The following RNF19B variants were observed in gnomAD, a reference collection of about 807,000 sequenced individuals.
The protein encoded by RNF19B is ring finger protein 19B.
Under a neutral mutation model 65.5 loss-of-function variants are expected in RNF19B, and 23 were observed. The ratio of observed to expected loss-of-function variants is 0.35; its 90% CI spans 0.25 to 0.50. The LOEUF is 0.50. Ranked by LOEUF, RNF19B falls within the 20% of genes least tolerant of loss-of-function variation. The pLI, the probability that RNF19B is intolerant of heterozygous loss-of-function variation, is 0.98. For synonymous variants in RNF19B, 372 were observed against 379.6 expected (o/e 0.98, Z 0.23); for missense variants, 794 against 980.0 (o/e 0.81, Z 2.53).
chr1:32,956,982 G>C (rs925981466), intron 1 of RNF19B, among the ~76,000 whole-genome samples: 1 of 152,048 alleles, frequency 6.6e-6, no homozygotes, highest in Non-Finnish European at 1.5e-5. Context: ...CTCTAGGCTA[G>C]ACAACTCCAA....
At chr1:32,961,445 T>C (rs996349711) in intron 1 of RNF19B, among the ~76,000 whole-genome samples, 6 of 152,234 alleles carry the variant, frequency 3.9e-5, no homozygotes, top group Non-Finnish European at 8.8e-5. Flanking sequence ...ACTTACTAGT[T>C]ATATGACCCT....
intron 1 of RNF19B, among the ~76,000 whole-genome samples, chr1:32,957,291 C>A (rs184419577): frequency 1.3e-5 from 2 of 152,310 alleles, no homozygotes; most frequent in East Asian, 3.9e-4. Flanking sequence ...AGGTGCACAC[C>A]ACCATGCCTG....
At chr1:32,942,645 A>C (rs1055729303) in intron 6 of RNF19B, among the ~76,000 whole-genome samples, 186 bp from the exon 7 acceptor site, 2 of 152,370 alleles carry the variant, frequency 1.3e-5, no homozygotes, top group African/African-American at 4.8e-5. Flanking sequence ...CTAGGCATTA[A>C]TAGCCTCAAT....
intron 7 of RNF19B, among the ~76,000 whole-genome samples, chr1:32,942,027 G>T (rs1642247027): frequency 1.3e-5 from 2 of 152,200 alleles, no homozygotes; most frequent in South Asian, 2.1e-4. Context: ...AACCCAGGAG[G>T]CGGAGCTTGC....
chr1:32,964,579 T>G lies in RNF19B; in HGVS notation c.107A>C (p.His36Pro), dbSNP rs1310707616. 1 of 1,434,446 alleles carries G rather than the reference T, an allele frequency of 7.0e-7. No homozygotes were observed. The highest frequency in any genetic ancestry group is 9.1e-7 in the Non-Finnish European group (1 of 1,095,444). 88.9% of individuals were successfully genotyped at this position (1,434,446 alleles called of 1,614,324 possible). ...GCGGGCCGAGGCAGAGAAGACGCTG[T>G]GCAAGGTGAGGCGCCGGCGCCGGCC... ...SGGRRRRLTL[H>P]SVFSASARGR... is the part of the protein sequence containing the mutation. The change falls in exon 1 of 9, where the codon CAC becomes CCC. Residue 36 changes from histidine to proline, a missense_variant. Transcript: ENST00000235150. This position sits in a 1 kb window ranked among gnomAD's most constrained non-coding sequence, Gnocchi z 6.5.
intron 1 of RNF19B, among the ~76,000 whole-genome samples, chr1:32,961,971 T>G (rs1383154704): frequency 1.3e-5 from 2 of 151,778 alleles, no homozygotes; most frequent in African/African-American, 4.8e-5. Flanking sequence ...CTATGCAGTG[T>G]TTTGTTTTTT....
At chr1:32,936,041 G>A (rs141037683), downstream of RNF19B, among the ~76,000 whole-genome samples, 2 of 152,276 alleles carry the variant, frequency 1.3e-5, no homozygotes, top group East Asian at 3.9e-4. Flanking sequence ...GAGCCACCAT[G>A]CCTGACCACT....
At chr1:32,934,813 T>C (rs1009259949), downstream of RNF19B, among the ~76,000 whole-genome samples, 2 of 152,172 alleles carry the variant, frequency 1.3e-5, no homozygotes, top group African/African-American at 4.8e-5. Flanking sequence ...CTATACTGTA[T>C]ATAAGCTTTC....
chr1:32,932,184 T>A (rs1016948655), downstream of RNF19B, among the ~76,000 whole-genome samples: 5 of 152,200 alleles, frequency 3.3e-5, no homozygotes, highest in African/African-American at 4.8e-5. Flanking sequence ...GACCTGGAAT[T>A]AGCCTTCCAT....
chr1:32,946,132 C>T (rs1264101762), intron 4 of RNF19B, among the ~76,000 whole-genome samples: 1 of 152,184 alleles, frequency 6.6e-6, no homozygotes. Context: ...TCCCAAAGTG[C>T]TAGGCCACGT....
chr1:32,934,858 A>C (rs1269546111), downstream of RNF19B, among the ~76,000 whole-genome samples: 2 of 152,082 alleles, frequency 1.3e-5, no homozygotes, highest in African/African-American at 2.4e-5. Context: ...TGTCAGACGG[A>C]GTCTCACTCT....
intron 7 of RNF19B, among the ~76,000 whole-genome samples, 176 bp from the exon 8 acceptor site, chr1:32,938,704 T>C (rs550835302): frequency 3.3e-4 from 51 of 152,316 alleles, no homozygotes; most frequent in Middle Eastern, 6.8e-3. Context: ...TAAATATCTA[T>C]TGAAATCGTC....
chr1:32,963,438 G>A (rs1473851517), intron 1 of RNF19B, among the ~76,000 whole-genome samples: 1 of 152,122 alleles, frequency 6.6e-6, no homozygotes, highest in East Asian at 1.9e-4. Flanking sequence ...CACCTTGGCC[G>A]GGAGCGGTGG....
At chr1:32,961,015 C>CA (rs5773391) in intron 1 of RNF19B, among the ~76,000 whole-genome samples, 25 of 150,620 alleles carry the variant, frequency 1.7e-4, no homozygotes, top group Middle Eastern at 3.4e-3. Context: ...GACGCTGTCT[C>CA]AAAAAAAAAG....
At chr1:32,933,154 C>A (rs1642047707), downstream of RNF19B, among the ~76,000 whole-genome samples, 1 of 152,278 alleles carries the variant, frequency 6.6e-6, no homozygotes, top group South Asian at 2.1e-4. Flanking sequence ...GTATTTTAGT[C>A]ATTGCTACAT....
intron 1 of RNF19B, among the ~76,000 whole-genome samples, chr1:32,953,868 A>AT (rs1642568663): frequency 6.6e-6 from 1 of 151,384 alleles, no homozygotes; most frequent in East Asian, 1.9e-4. Flanking sequence ...TGGCAGAAGT[A>AT]AATGTTTATT....
At chr1:32,938,678 C>A in intron 7 of RNF19B, 150 bp from the exon 8 acceptor site, 1 of 754,736 alleles carries the variant, frequency 1.3e-6, no homozygotes, top group East Asian at 2.6e-5. Flanking sequence ...AATAGATGCC[C>A]ATACATTTTT....
chr1:32,959,015 G>A (rs1031992943), intron 1 of RNF19B, among the ~76,000 whole-genome samples: 1 of 152,138 alleles, frequency 6.6e-6, no homozygotes, highest in Non-Finnish European at 1.5e-5. Context: ...AAGAGAAGAG[G>A]TTCAGGGAGG....
chr1:32,964,027 C>G lies in RNF19B; in HGVS notation c.635+24G>C, dbSNP rs1035635914. On this transcript the variant is annotated intron_variant, in intron 1 of 8. Transcript: ENST00000235150. This position sits in a 1 kb window ranked among gnomAD's most constrained non-coding sequence, Gnocchi z 6.5. ...GCCCCTCGGCTGCAGCCCGCCGCCA[C>G]CCGCGCCACGCCCCCGCGCTCACCC... is the stretch of plus-strand genomic sequence containing the variant. The G allele has an allele frequency of 7.1e-6, 10 of 1,416,922 alleles. No individual in the cohort carries two copies. The African/African-American group carries it at 1.5e-4, about 21-fold the overall frequency. The allele number at this position is 1,416,922 out of a possible 1,614,324, so 87.8% of individuals were successfully genotyped here.
Sources: gnomAD v4.1 joint callset for allele counts (sites outside exome capture counted in the v4.1 genomes callset) on GRCh38, gnomAD v4.1.1 for gene constraint, Gnocchi (gnomAD v3.1) non-coding constraint, MANE v1.5 for transcripts, NCBI Gene and HGNC (gene_info 2026-07-23, HGNC 2026-07-21) for gene names.